Variants in ABR observed in about 807,000 individuals in gnomAD.
The protein encoded by ABR is ABR activator of RhoGEF and GTPase.
ABR carries 35 observed loss-of-function variants against 107.2 expected under a neutral mutation model. That is an observed-to-expected ratio of 0.33 (90% confidence interval 0.25 to 0.43). The LOEUF (loss-of-function observed/expected upper bound fraction) is 0.43, where lower values mean the gene tolerates loss of function less well. Ranked by LOEUF, ABR falls within the 20% of genes least tolerant of loss-of-function variation. ABR has a pLI of 1.00. For missense variants in ABR, 815 were observed against 1,115.2 expected (o/e 0.73, Z 3.83); for synonymous variants, 498 against 462.0 (o/e 1.08, Z -1.00).
At chr17:1,031,759 G>A (rs1304349934) in intron 16 of ABR, 3 of 1,235,062 alleles carry the variant, frequency 2.4e-6, no homozygotes, top group Non-Finnish European at 2.0e-6. Context: ...GGGACGGGAC[G>A]CGGCGCTGGA....
intron 21 of ABR, 123 bp downstream of exon 21, chr17:1,009,556 G>C: frequency 1.3e-6 from 1 of 772,690 alleles, no homozygotes; most frequent in Non-Finnish European, 2.2e-6. Context: ...AGGAGGTGGG[G>C]TTGGGGCCAC....
At chr17:1,076,337 G>A (rs968599041) in intron 6 of ABR, among the ~76,000 whole-genome samples, 12 of 152,164 alleles carry the variant, frequency 7.9e-5, no homozygotes, top group Non-Finnish European at 1.6e-4. Context: ...CACTGAGGGT[G>A]CAGCCCAGGT....
At chr17:1,076,068 C>T (rs1362863173) in intron 6 of ABR, among the ~76,000 whole-genome samples, 1 of 152,170 alleles carries the variant, frequency 6.6e-6, no homozygotes, top group African/African-American at 2.4e-5. Flanking sequence ...GAGACAAGGT[C>T]TCACTATGTT....
At position 1,147,364 on chromosome 17, in the gene ABR, G is replaced by GTT. The variant is rs553493542; in HGVS notation, c.62-21999_62-21998dup. On this transcript the variant is annotated intron_variant, in intron 1 of 22. Coordinates refer to ENST00000302538, the MANE Select transcript of ABR (RefSeq NM_021962.5). ...CAGTAATTTGTGGGGGGTTTTGGTT[G>GTT]TTTTTTTTTTTTTTGACACAGAGTC... Among the ~76,000 whole-genome samples the GTT allele has an allele frequency of 9.0e-3, 1,275 of 141,638 alleles. 19 individuals carry two copies. Among genetic ancestry groups the GTT allele is most frequent in the African/African-American group, 0.028 (1,089 of 38,486 alleles). 92.9% of individuals were successfully genotyped at this position (141,638 alleles called of 152,430 possible). A position where few individuals can be genotyped will look rare whatever the true frequency, so the allele number is the denominator to read the frequency against.
intron 1 of ABR, among the ~76,000 whole-genome samples, chr17:1,169,331 G>A (rs530641662): frequency 2.9e-4 from 44 of 152,314 alleles, no homozygotes; most frequent in Non-Finnish European, 5.3e-4. Flanking sequence ...CCTTTCATAG[G>A]TTTACTGTGA....
intron 1 of ABR, among the ~76,000 whole-genome samples, chr17:1,163,218 A>G (rs370761162): frequency 1.3e-5 from 2 of 152,248 alleles, no homozygotes; most frequent in Non-Finnish European, 2.9e-5. Flanking sequence ...GCAACAGTGT[A>G]GGACACACAG....
chr17:1,222,365 G>A (rs759410462), intron 1 of ABR, among the ~76,000 whole-genome samples: 24 of 152,098 alleles, frequency 1.6e-4, no homozygotes, highest in South Asian at 2.1e-4. Flanking sequence ...CACCGCGCCC[G>A]GCCTCAAATG....
chr17:1,101,914 T>C (rs1320133329), intron 2 of ABR, among the ~76,000 whole-genome samples: 2 of 152,054 alleles, frequency 1.3e-5, no homozygotes, highest in Admixed American at 6.6e-5. Flanking sequence ...TTTGTATTTT[T>C]AGTAGAGCCG....
chr17:1,024,253 G>A lies in ABR; in HGVS notation c.1792-11089C>T, dbSNP rs181688024. Reference sequence around the variant, plus strand: ...GTCGTCGAGAAGAACCGTCTTGCCTGTTGCTATGCACAGCGTGCCAGGACG... The same window carrying A: ...GTCGTCGAGAAGAACCGTCTTGCCTATTGCTATGCACAGCGTGCCAGGACG... On this transcript the variant is annotated intron_variant, in intron 16 of 22. Transcript: ENST00000302538. Among the ~76,000 whole-genome samples, 423 of 152,292 alleles carry A rather than the reference G, an allele frequency of 2.8e-3. 1 individual carries two copies. The highest frequency in any genetic ancestry group is 9.5e-3 in the African/African-American group (396 of 41,566).
chr17:1,131,972 G>A (rs71357168), intron 1 of ABR, among the ~76,000 whole-genome samples: 4,257 of 81,832 alleles, frequency 0.052, 26 homozygotes, highest in Middle Eastern at 0.12. Flanking sequence ...CCTGCCACGC[G>A]CACAGCTCCC....
At chr17:1,058,668 C>G in intron 11 of ABR, 77 bp downstream of exon 11, 1 of 1,559,480 alleles carries the variant, frequency 6.4e-7, no homozygotes, top group Non-Finnish European at 8.7e-7. Context: ...TCGTACAGGT[C>G]AGGGCCAGGA....
chr17:1,026,276 T>C (rs2072187045), intron 16 of ABR, among the ~76,000 whole-genome samples: 1 of 152,220 alleles, frequency 6.6e-6, no homozygotes, highest in African/African-American at 2.4e-5. Flanking sequence ...CCCACCGGCC[T>C]GGCGCCCTGT....
intron 14 of ABR, among the ~76,000 whole-genome samples, chr17:1,052,092 A>G (rs1156885455): frequency 6.6e-6 from 1 of 151,766 alleles, no homozygotes; most frequent in South Asian, 2.1e-4. Flanking sequence ...AAACCAAAAA[A>G]ACCAGCTTTC....
At chr17:1,183,515 G>A (rs531230505), upstream of ABR, among the ~76,000 whole-genome samples, 37 of 152,248 alleles carry the variant, frequency 2.4e-4, no homozygotes, top group East Asian at 4.1e-3. Flanking sequence ...TCCCAAGCAC[G>A]TGCTACTCAC....
At chr17:1,144,114 G>A (rs1285776295) in intron 1 of ABR, among the ~76,000 whole-genome samples, 1 of 151,958 alleles carries the variant, frequency 6.6e-6, no homozygotes, top group Non-Finnish European at 1.5e-5. Flanking sequence ...TGTTTCCTGC[G>A]ATTTGACAAA....
intron 16 of ABR, among the ~76,000 whole-genome samples, chr17:1,017,901 C>A (rs2071287076): frequency 6.6e-6 from 1 of 151,856 alleles, no homozygotes; most frequent in Non-Finnish European, 1.5e-5. Flanking sequence ...CCGCACTCGG[C>A]CTGTATTTAT....
intron 2 of ABR, chr17:1,109,095 C>T: frequency 1.3e-6 from 2 of 1,588,056 alleles, no homozygotes; most frequent in South Asian, 1.1e-5. Flanking sequence ...GGAGGGCAGA[C>T]AGGAAGCGGG....
At chr17:1,019,283 T>G (rs1450812351) in intron 16 of ABR, among the ~76,000 whole-genome samples, 1 of 152,168 alleles carries the variant, frequency 6.6e-6, no homozygotes, top group South Asian at 2.1e-4. Flanking sequence ...GTGGGAAACT[T>G]TGGGTCCTCT....
Position 1,150,951 on chromosome 17 carries a change from G to A in ABR, c.62-25584C>T, listed in dbSNP as rs1597982993. ...TCCTGGGGGTGAGGAGGTCACGTAT[G>A]CAACTTGCTGTCATCTTTCTAAAAG... On this transcript the variant is annotated intron_variant, in intron 1 of 22. Coordinates refer to ENST00000302538, the MANE Select transcript of ABR (RefSeq NM_021962.5). This position sits in a 1 kb window ranked among gnomAD's most constrained non-coding sequence, Gnocchi z 4.8. 2.0e-5 allele frequency among the ~76,000 whole-genome samples: 3 copies of A among 152,216 alleles called. No homozygotes were observed. In the South Asian group the frequency reaches 6.2e-4, roughly 32 times the overall value.
Sources: allele counts gnomAD v4.1 joint callset (sites outside exome capture counted in the v4.1 genomes callset), GRCh38; gene constraint gnomAD v4.1.1; non-coding constraint Gnocchi (gnomAD v3.1); transcripts MANE v1.5; gene names NCBI Gene and HGNC (gene_info 2026-07-23, HGNC 2026-07-21).